The following PRKG1 variants were observed in gnomAD, a reference collection of about 807,000 sequenced individuals.
PRKG1 encodes the protein protein kinase cGMP-dependent 1.
Under a neutral mutation model 88.1 loss-of-function variants are expected in PRKG1, and 35 were observed. The ratio of observed to expected loss-of-function variants is 0.40; its 90% CI spans 0.30 to 0.53. PRKG1 has a LOEUF of 0.53. PRKG1 is among the 20% of genes least tolerant of loss of function. PRKG1 has a pLI of 0.59. For missense variants in PRKG1, 540 were observed against 839.8 expected, an observed-to-expected ratio of 0.64 and a Z score of 4.41; for synonymous variants, 303 against 292.5, an observed-to-expected ratio of 1.04 and a Z score of -0.37.
intron 3 of PRKG1, among the ~76,000 whole-genome samples, chr10:51,485,906 A>C (rs1840519927): frequency 6.6e-6 from 1 of 152,098 alleles, no homozygotes; most frequent in Non-Finnish European, 1.5e-5. Flanking sequence ...CTGTTGATGC[A>C]TGGCAAGATA....
intron 5 of PRKG1, among the ~76,000 whole-genome samples, chr10:52,036,971 G>A (rs868201060): frequency 9.9e-5 from 15 of 152,200 alleles, no homozygotes; most frequent in Non-Finnish European, 1.8e-4. Context: ...GAGAGTTACC[G>A]GAAGCTCGGC....
intron 2 of PRKG1, among the ~76,000 whole-genome samples, chr10:51,290,390 G>C (rs908103602): frequency 6.6e-6 from 1 of 152,152 alleles, no homozygotes; most frequent in Non-Finnish European, 1.5e-5. Flanking sequence ...ATCAGCCTAG[G>C]AGGCAGGAGG....
intron 3 of PRKG1, among the ~76,000 whole-genome samples, chr10:51,601,622 T>C (rs537631344): frequency 1.8e-4 from 27 of 152,046 alleles, no homozygotes; most frequent in African/African-American, 6.3e-4. Context: ...AGTGAGCATG[T>C]GACCCTTTTA....
At chr10:51,972,610 A>G (rs990896496) in intron 5 of PRKG1, among the ~76,000 whole-genome samples, 1 of 152,196 alleles carries the variant, frequency 6.6e-6, no homozygotes, top group Non-Finnish European at 1.5e-5. Context: ...ATTAAACAGT[A>G]GATTAATTGA....
At chr10:52,221,691 C>T (rs750669466) in intron 9 of PRKG1, among the ~76,000 whole-genome samples, 7 of 152,118 alleles carry the variant, frequency 4.6e-5, no homozygotes, top group Non-Finnish European at 8.8e-5. Flanking sequence ...ATATTTTTTA[C>T]TTGTTTTACA....
chr10:51,503,001 G>T (rs1589023469), intron 3 of PRKG1, among the ~76,000 whole-genome samples: 1 of 152,082 alleles, frequency 6.6e-6, no homozygotes, highest in African/African-American at 2.4e-5. Context: ...GGGTAAGAAA[G>T]GTCACATTTC....
At chr10:51,791,480 A>G (rs1016391128) in intron 3 of PRKG1, among the ~76,000 whole-genome samples, 9 of 152,134 alleles carry the variant, frequency 5.9e-5, no homozygotes, top group South Asian at 2.1e-4. Flanking sequence ...CCTTTCTCTT[A>G]TACAGGATGA....
chr10:52,016,936 G>T (rs932721654), intron 5 of PRKG1, among the ~76,000 whole-genome samples: 1 of 152,038 alleles, frequency 6.6e-6, no homozygotes, highest in Non-Finnish European at 1.5e-5. Context: ...GTTATTTTTT[G>T]AGCAGACACT....
intron 1 of PRKG1, among the ~76,000 whole-genome samples, chr10:51,037,217 G>C (rs1436437113): frequency 1.3e-5 from 2 of 152,130 alleles, no homozygotes; most frequent in Admixed American, 1.3e-4. Context: ...GGAGGCCGAG[G>C]CAGGAGGATT....
At chr10:52,240,318 C>T (rs918529721) in intron 9 of PRKG1, among the ~76,000 whole-genome samples, 1 of 152,098 alleles carries the variant, frequency 6.6e-6, no homozygotes, top group African/African-American at 2.4e-5. Flanking sequence ...AGAAAAACAT[C>T]AGACTATCCC....
chr10:51,240,657 C>A, intron 2 of PRKG1, among the ~76,000 whole-genome samples: 1 of 152,130 alleles, frequency 6.6e-6, no homozygotes, highest in East Asian at 1.9e-4. Flanking sequence ...CCAGATCAAA[C>A]AAAATCCTGC....
chr10:51,839,776 T>C (rs2132772595), intron 4 of PRKG1, among the ~76,000 whole-genome samples: 1 of 152,320 alleles, frequency 6.6e-6, no homozygotes, highest in South Asian at 2.1e-4. Context: ...AACCATCTAC[T>C]ATAACTTCTC....
intron 2 of PRKG1, among the ~76,000 whole-genome samples, chr10:51,176,863 G>C (rs1837207836): frequency 1.3e-5 from 2 of 152,220 alleles, no homozygotes; most frequent in South Asian, 4.1e-4. Flanking sequence ...CCATTCCTAA[G>C]TCTTTGTGTT....
chr10:51,420,061 C>T (rs1838365744), intron 2 of PRKG1, among the ~76,000 whole-genome samples: 1 of 151,992 alleles, frequency 6.6e-6, no homozygotes, highest in Admixed American at 6.6e-5. Context: ...GGAAGATAAG[C>T]AGGAAGGGGA....
chr10:52,253,243 C>A (rs557811742), intron 10 of PRKG1: 1 of 151,870 alleles, frequency 6.6e-6, no homozygotes, highest in African/African-American at 2.4e-5. Context: ...AAAAAAAAAT[C>A]AGTGTTACAA....
chr10:52,216,719 T>G (rs1840121842), intron 9 of PRKG1, among the ~76,000 whole-genome samples: 1 of 152,188 alleles, frequency 6.6e-6, no homozygotes, highest in Non-Finnish European at 1.5e-5. Flanking sequence ...TATACAGTCA[T>G]AGGTTTTGGT....
At chr10:51,369,486 A>G (rs1409950964) in intron 2 of PRKG1, among the ~76,000 whole-genome samples, 1 of 152,046 alleles carries the variant, frequency 6.6e-6, no homozygotes, top group African/African-American at 2.4e-5. Flanking sequence ...AGTAGGGAGT[A>G]TCTCATCTCT....
At chr10:51,038,115 A>G (rs1457018868) in intron 1 of PRKG1, among the ~76,000 whole-genome samples, 1 of 152,166 alleles carries the variant, frequency 6.6e-6, no homozygotes, top group East Asian at 1.9e-4. Context: ...GTTTCTGCAT[A>G]CAGGCCTTAA....
intron 1 of PRKG1, among the ~76,000 whole-genome samples, chr10:51,012,414 A>G (rs1377353481): frequency 6.6e-6 from 1 of 152,204 alleles, no homozygotes; most frequent in African/African-American, 2.4e-5. Context: ...CAGTACTTCT[A>G]TCCCCTCTAC....
Sources: allele counts gnomAD v4.1 joint callset (sites outside exome capture counted in the v4.1 genomes callset), GRCh38; gene constraint gnomAD v4.1.1; transcripts MANE v1.5; gene names NCBI Gene and HGNC (gene_info 2026-07-23, HGNC 2026-07-21).